VNN1: variants seen among roughly 807,000 people sequenced by gnomAD.
The protein encoded by VNN1 is pantetheinase.
In VNN1, 29 loss-of-function variants were observed where a neutral mutation model predicts 41.9. The observed-to-expected ratio is 0.69, with a 90% CI of 0.52 to 0.94. VNN1 has a LOEUF of 0.94. Among genes scored for constraint, VNN1 ranks in the 40% least tolerant of loss-of-function variants. The probability of loss-of-function intolerance (pLI) is 0.00; values close to 1 mark genes in which losing one functional copy is unlikely to be tolerated. For synonymous variants in VNN1, 233 were observed against 224.4 expected (o/e 1.04, Z -0.34); for missense variants, 637 against 621.1 (o/e 1.03, Z -0.27).
At chr6:132,708,087 A>AAAAAT (rs1304171375) in intron 2 of VNN1, among the ~76,000 whole-genome samples, 2 of 152,218 alleles carry the variant, frequency 1.3e-5, no homozygotes, top group Non-Finnish European at 2.9e-5. Flanking sequence ...CATGAAAGTT[A>AAAAAT]AAAATAAAAT....
At chr6:132,697,462 A>AT (rs1158433173) in intron 2 of VNN1, among the ~76,000 whole-genome samples, 1 of 152,272 alleles carries the variant, frequency 6.6e-6, no homozygotes, top group Non-Finnish European at 1.5e-5. Flanking sequence ...TTAATGCCTG[A>AT]TTTTTTTATT....
intron 2 of VNN1, among the ~76,000 whole-genome samples, chr6:132,696,587 G>A (rs773195385): frequency 6.6e-6 from 1 of 152,036 alleles, no homozygotes; most frequent in Non-Finnish European, 1.5e-5. Flanking sequence ...ATACATACAA[G>A]GGATCCCCAA....
Position 132,711,925 on chromosome 6 carries a change from C to A in VNN1, c.211-86G>T, listed in dbSNP as rs1778606694. ...GCTGAGTAACAACTATTTGGGCTTCCCCCACACCCCTTAAATCTTATTTTG... is the reference window on the plus strand; with the variant it reads ...GCTGAGTAACAACTATTTGGGCTTCACCCACACCCCTTAAATCTTATTTTG... On this transcript the variant is annotated intron_variant, in intron 1 of 6. Coordinates refer to ENST00000367928, the MANE Select transcript of VNN1 (RefSeq NM_004666.3). The A allele has an allele frequency of 3.0e-6, 4 of 1,344,194 alleles. No individual in the cohort carries two copies. In the South Asian group the frequency reaches 5.1e-5, roughly 17 times the overall value. 83.3% of individuals were successfully genotyped at this position (1,344,194 alleles called of 1,614,324 possible). A position where few individuals can be genotyped will look rare whatever the true frequency, so the allele number is the denominator to read the frequency against.
chr6:132,683,285 G>A lies in VNN1; in HGVS notation c.1397C>T (p.Thr466Ile). 6.2e-7 allele frequency: 1 copy of A among 1,613,884 alleles called. No individual in the cohort carries two copies. Residue 466 changes from threonine (T) to isoleucine (I), a missense_variant, in exon 7 of 7, where the codon ACA (threonine) becomes ATA (isoleucine). Thr to Ile is a moderately conservative substitution (Grantham distance 89). Transcript: ENST00000367928. ...TDGRLFSLKP[T>I]SGPVLTVTLF... ...AGTTACTGTTAAGACAGGTCCGGAT[G>A]TTGGCTTCAGACTAAACAAGCGTCC... is the stretch of plus-strand genomic sequence containing the variant.
rs373466196 is a variant in VNN1, at chr6:132,704,519, A to G, written c.341+7190T>C. Among the ~76,000 whole-genome samples the G allele has an allele frequency of 1.2e-4, 19 of 152,234 alleles. No homozygotes were observed. The East Asian group carries it at 3.3e-3, about 26-fold the overall frequency. The stretch of plus-strand genomic sequence containing the variant: ...AAAATTTTTATTGAAACAAATGAAA[A>G]TGGATATGCAACATATCAAAACTTA... On this transcript the variant is annotated intron_variant, in intron 2 of 6. Coordinates refer to ENST00000367928, the MANE Select transcript of VNN1 (RefSeq NM_004666.3).
intron 2 of VNN1, among the ~76,000 whole-genome samples, chr6:132,696,442 T>C (rs1778372868): frequency 1.3e-5 from 2 of 152,004 alleles, no homozygotes; most frequent in Admixed American, 1.3e-4. Flanking sequence ...AAGATATGAA[T>C]ATAAAGATCC....
intron 1 of VNN1, among the ~76,000 whole-genome samples, chr6:132,713,498 C>A (rs533873650): frequency 1.3e-5 from 2 of 152,320 alleles, no homozygotes; most frequent in African/African-American, 4.8e-5. Flanking sequence ...GAAAATAGCA[C>A]CTAGTCCCTG....
chr6:132,699,272 C>G, intron 2 of VNN1: 1 of 233,402 alleles, frequency 4.3e-6, no homozygotes, highest in Non-Finnish European at 8.8e-6. Context: ...TTCACTCATT[C>G]AAGGGAACTT....
chr6:132,702,732 C>T (rs558519454), intron 2 of VNN1, among the ~76,000 whole-genome samples: 45 of 152,200 alleles, frequency 3.0e-4, no homozygotes, highest in Non-Finnish European at 5.9e-4. Flanking sequence ...AACCCAGGCC[C>T]TAGCTCCCTG....
chr6:132,691,651 T>C (rs562314808), intron 5 of VNN1, among the ~76,000 whole-genome samples: 4 of 152,202 alleles, frequency 2.6e-5, no homozygotes, highest in Non-Finnish European at 5.9e-5. Flanking sequence ...CAAGTAAATG[T>C]CCTGCCTTTT....
intron 5 of VNN1, among the ~76,000 whole-genome samples, chr6:132,689,259 G>T (rs144702558): frequency 6.6e-6 from 1 of 150,506 alleles, no homozygotes; most frequent in African/African-American, 2.5e-5. Flanking sequence ...AGGCTCTCTC[G>T]TTTGTTGAGA....
At chr6:132,692,626 T>A in intron 4 of VNN1, 42 bp from the exon 5 acceptor site, 1 of 1,515,162 alleles carries the variant, frequency 6.6e-7, no homozygotes, top group Non-Finnish European at 8.8e-7. Context: ...AATTGGAAAG[T>A]AAAAAGGGAT....
chr6:132,684,294 C>T lies in VNN1; in HGVS notation c.1359+41G>A, dbSNP rs369305175. On this transcript the variant is annotated intron_variant, in intron 6 of 6. Transcript: ENST00000367928. ...AGATTTTTATATCAAAAAGTGCTTC[C>T]TCTTACATGAAACTAATTGGCAATA... 66 of 1,578,686 alleles carry T rather than the reference C, an allele frequency of 4.2e-5. No individual in the cohort carries two copies. The African/African-American group carries it at 7.9e-4, about 19-fold the overall frequency.
Position 132,682,844 on chromosome 6 carries a change from T to TTA in VNN1, c.*294_*295dup, listed in dbSNP as rs111606313. 0.023 allele frequency: 4,378 copies of TTA among 187,530 alleles called. 199 individuals carry two copies. Among genetic ancestry groups the TTA allele is most frequent in the African/African-American group, 0.096 (4,131 of 42,874 alleles). The allele number at this position is 187,530 out of a possible 1,614,324, so 11.6% of individuals were successfully genotyped here. A position where few individuals can be genotyped will look rare whatever the true frequency, so the allele number is the denominator to read the frequency against. On this transcript the variant is annotated 3_prime_UTR_variant, in exon 7 of 7. Transcript: ENST00000367928. ...TTGTAAGTAAATTTTATGATAGTTC[T>TTA]TATGTTTTCTACCCGTAGTTTTTAT...
intron 2 of VNN1, among the ~76,000 whole-genome samples, chr6:132,697,558 C>T (rs1257359994): frequency 6.6e-6 from 1 of 151,268 alleles, no homozygotes; most frequent in Non-Finnish European, 1.5e-5. Context: ...CTATATTTAT[C>T]CTCTATTGCA....
chr6:132,700,825 T>C (rs1286265347), intron 2 of VNN1, among the ~76,000 whole-genome samples: 1 of 152,188 alleles, frequency 6.6e-6, no homozygotes, highest in Admixed American at 6.5e-5. Context: ...TTCAAATACG[T>C]TTGGGTTTTT....
intron 1 of VNN1, among the ~76,000 whole-genome samples, chr6:132,712,342 G>A (rs903677147): frequency 6.6e-6 from 1 of 151,806 alleles, no homozygotes; most frequent in South Asian, 2.1e-4. Context: ...TAGAGATGGG[G>A]TTTCTCCATA....
chr6:132,700,301 A>C (rs1488595866), intron 2 of VNN1, among the ~76,000 whole-genome samples: 1 of 122,110 alleles, frequency 8.2e-6, no homozygotes, highest in Non-Finnish European at 1.6e-5. Flanking sequence ...TTGTCATCTA[A>C]ATTTTATTTA....
intron 2 of VNN1, among the ~76,000 whole-genome samples, chr6:132,704,334 A>T (rs1030643531): frequency 4.6e-5 from 7 of 151,964 alleles, no homozygotes; most frequent in Non-Finnish European, 8.8e-5. Flanking sequence ...TTAAAACATT[A>T]AAAAAAATTG....
Sources: gnomAD v4.1 joint callset for allele counts (sites outside exome capture counted in the v4.1 genomes callset) on GRCh38, gnomAD v4.1.1 for gene constraint, MANE v1.5 for transcripts, NCBI Gene and HGNC (gene_info 2026-07-23, HGNC 2026-07-21) for gene names.